KCNJ6: variants seen among roughly 807,000 people sequenced by gnomAD.
KCNJ6 encodes potassium inwardly rectifying channel subfamily J member 6.
In KCNJ6, 9 loss-of-function variants were observed where a neutral mutation model predicts 34.2. The observed-to-expected ratio is 0.26, with a 90% confidence interval of 0.16 to 0.46. The LOEUF is 0.46. Ranked by LOEUF, KCNJ6 falls within the 20% of genes least tolerant of loss-of-function variation. KCNJ6 has a pLI of 1.00. For synonymous variants in KCNJ6, 196 were observed against 207.1 expected (o/e 0.95, Z 0.46); for missense variants, 236 against 531.3 (o/e 0.44, Z 5.46).
intron 2 of KCNJ6, among the ~76,000 whole-genome samples, chr21:37,781,303 C>T (rs954679850): frequency 6.6e-6 from 1 of 152,176 alleles, no homozygotes. Context: ...TTTCGTGTGC[C>T]AGCATAATCC....
At chr21:37,712,573 CT>C (rs1569450125) in intron 3 of KCNJ6, among the ~76,000 whole-genome samples, 2 of 94,588 alleles carry the variant, frequency 2.1e-5, no homozygotes, top group African/African-American at 4.5e-5. Flanking sequence ...TTCTCCTCCT[CT>C]TCTTCCTCCC....
intron 1 of KCNJ6, among the ~76,000 whole-genome samples, chr21:37,865,253 G>A (rs2055616800): frequency 6.6e-6 from 1 of 152,186 alleles, no homozygotes; most frequent in Non-Finnish European, 1.5e-5. Flanking sequence ...TTAACGTGAT[G>A]CTGAAATCAC....
intron 3 of KCNJ6, among the ~76,000 whole-genome samples, chr21:37,659,662 A>G (rs2054479354): frequency 6.6e-6 from 1 of 152,220 alleles, no homozygotes; most frequent in African/African-American, 2.4e-5. Context: ...GTACAGGGCT[A>G]TAGCCTCAAT....
rs58043642 is a variant in KCNJ6, at chr21:37,853,853, T to TATATATATATATATATATATATAC, written c.-27-13145_-27-13144insGTATATATATATATATATATATAT. On this transcript the variant is annotated intron_variant, in intron 1 of 3. Coordinates refer to ENST00000609713, the MANE Select transcript of KCNJ6 (RefSeq NM_002240.5). ...AGAGATACATATATATATGTATATATATATATATAAATTACATTGTGTATA... is the reference window on the plus strand; with the variant it reads ...AGAGATACATATATATATGTATATATATATATATATATATATATATATACATATATATAAATTACATTGTGTATA... Among the ~76,000 whole-genome samples, 5 of 142,278 alleles carry TATATATATATATATATATATATAC rather than the reference T, an allele frequency of 3.5e-5. No individual in the cohort carries two copies. In the East Asian group the frequency reaches 8.4e-4, roughly 24 times the overall value. 93.3% of individuals were successfully genotyped at this position (142,278 alleles called of 152,430 possible).
intron 2 of KCNJ6, among the ~76,000 whole-genome samples, chr21:37,776,682 A>C (rs1342968425): frequency 2.0e-5 from 3 of 152,210 alleles, no homozygotes; most frequent in Non-Finnish European, 4.4e-5. Context: ...TCAGCCTAGC[A>C]TCCCAGGGAT....
At position 37,663,829 on chromosome 21, in the gene KCNJ6, A is replaced by T. The variant is rs982709739; in HGVS notation, c.947-38345T>A. ...ATTAAATTAATAGACAAAAATCAGT[A>T]AGAATATACGCATACCTATGAAGAA... On this transcript the variant is annotated intron_variant, in intron 3 of 3. Transcript: ENST00000609713. 5.1e-4 allele frequency among the ~76,000 whole-genome samples: 77 copies of T among 152,226 alleles called. 1 individual carries two copies. Among genetic ancestry groups the T allele is most frequent in the African/African-American group, 1.7e-3 (72 of 41,470 alleles).
intron 2 of KCNJ6, among the ~76,000 whole-genome samples, chr21:37,724,598 G>C (rs558260292): frequency 6.6e-6 from 1 of 152,256 alleles, no homozygotes; most frequent in South Asian, 2.1e-4. Flanking sequence ...ACCCAATGGC[G>C]GTTGGGTAGT....
chr21:37,867,515 G>A (rs2055628549), intron 1 of KCNJ6, among the ~76,000 whole-genome samples: 1 of 152,182 alleles, frequency 6.6e-6, no homozygotes, highest in African/African-American at 2.4e-5. Context: ...GTTTTTTGAA[G>A]AAGAGTGAAA....
At chr21:37,775,712 T>C (rs1454346792) in intron 2 of KCNJ6, among the ~76,000 whole-genome samples, 1 of 151,786 alleles carries the variant, frequency 6.6e-6, no homozygotes, top group Non-Finnish European at 1.5e-5. Context: ...TGGTCTATAT[T>C]TCTGTTTTGG....
At chr21:37,683,121 T>C (rs530322394) in intron 3 of KCNJ6, among the ~76,000 whole-genome samples, 151 of 152,362 alleles carry the variant, frequency 9.9e-4, no homozygotes, top group South Asian at 2.3e-3. Flanking sequence ...CTGAATCATA[T>C]TACCATCCTG....
rs2054611657 is a variant in KCNJ6 at position 37,685,680 on chromosome 21, CCAAA to C, written c.946+28527_946+28530del. ...TGGGCGACAGAGTGAGACTCTGTCTCCAAAAAAAAAAAAAAAAAAAAAAAAAAAT... is the reference window on the plus strand; with the variant it reads ...TGGGCGACAGAGTGAGACTCTGTCTCAAAAAAAAAAAAAAAAAAAAAAAAT... On this transcript the variant is annotated intron_variant, in intron 3 of 3. Coordinates refer to ENST00000609713, the MANE Select transcript of KCNJ6 (RefSeq NM_002240.5). 1.7e-4 allele frequency among the ~76,000 whole-genome samples: 3 copies of C among 17,464 alleles called. 1 individual carries two copies. Among genetic ancestry groups the C allele is most frequent in the East Asian group, 4.2e-3 (2 of 480 alleles). The allele number at this position is 17,464 out of a possible 152,430, so 11.5% of individuals were successfully genotyped here. A position where few individuals can be genotyped will look rare whatever the true frequency, so the allele number is the denominator to read the frequency against.
chr21:37,857,343 G>C (rs1322787397), intron 1 of KCNJ6, among the ~76,000 whole-genome samples: 1 of 152,180 alleles, frequency 6.6e-6, no homozygotes, highest in Non-Finnish European at 1.5e-5. Context: ...CTTCATCCTG[G>C]GGGCATAGTC....
At chr21:37,818,938 A>G (rs1012663411) in intron 2 of KCNJ6, among the ~76,000 whole-genome samples, 2 of 152,148 alleles carry the variant, frequency 1.3e-5, no homozygotes, top group African/African-American at 4.8e-5. Context: ...GAAGTCAGAA[A>G]TATTAACAGA....
rs1262759911 is a variant in KCNJ6, at chr21:37,611,901, A to T, written c.*13258T>A. The T allele has an allele frequency of 6.6e-6, 1 of 152,138 alleles. No homozygotes were observed. Among genetic ancestry groups the T allele is most frequent in the African/African-American group, 2.4e-5 (1 of 41,428 alleles). 9.4% of individuals were successfully genotyped at this position (152,138 alleles called of 1,614,324 possible). A position where few individuals can be genotyped will look rare whatever the true frequency, so the allele number is the denominator to read the frequency against. On this transcript the variant is annotated 3_prime_UTR_variant, in exon 4 of 4. Transcript: ENST00000609713. ...AAATGGCGTGATGGTGAGAAACCTG[A>T]AGCTGTCTCACTAAGATCAGGAAAA...
At chr21:37,892,745 C>T (rs1287094366) in intron 1 of KCNJ6, among the ~76,000 whole-genome samples, 1 of 151,954 alleles carries the variant, frequency 6.6e-6, no homozygotes, top group Non-Finnish European at 1.5e-5. Flanking sequence ...TTGACCCTGG[C>T]AATGAGGTAA....
chr21:37,853,845 T>C (rs924393684), intron 1 of KCNJ6, among the ~76,000 whole-genome samples: 1 of 97,610 alleles, frequency 1.0e-5, no homozygotes, highest in Non-Finnish European at 2.1e-5. Context: ...CATATATATA[T>C]GTATATATAT....
chr21:37,842,220 T>C (rs894661507), intron 1 of KCNJ6, among the ~76,000 whole-genome samples: 5 of 152,366 alleles, frequency 3.3e-5, no homozygotes, highest in Non-Finnish European at 4.4e-5. Flanking sequence ...TGGTTTCACA[T>C]TGTTGTGTTC....
intron 2 of KCNJ6, among the ~76,000 whole-genome samples, chr21:37,749,849 C>T (rs181988498): frequency 1.3e-5 from 2 of 152,256 alleles, no homozygotes; most frequent in Admixed American, 1.3e-4. Flanking sequence ...GCCAAAGTGC[C>T]AGGGTTCAAG....
At chr21:37,853,944 C>A (rs2123594107) in intron 1 of KCNJ6, among the ~76,000 whole-genome samples, 1 of 147,994 alleles carries the variant, frequency 6.8e-6, no homozygotes. Context: ...GAGATATATT[C>A]AAAAACACTA....
Sources: gnomAD v4.1 joint callset for allele counts (sites outside exome capture counted in the v4.1 genomes callset) on GRCh38, gnomAD v4.1.1 for gene constraint, MANE v1.5 for transcripts, NCBI Gene and HGNC (gene_info 2026-07-23, HGNC 2026-07-21) for gene names.